Variants in GLIS3 observed in about 807,000 individuals in gnomAD.
The protein encoded by GLIS3 is GLIS family zinc finger 3.
A neutral mutation model predicts 78.6 loss-of-function variants in GLIS3; 53 were observed. That is an observed-to-expected ratio of 0.67 (90% CI 0.54 to 0.85). The LOEUF (loss-of-function observed/expected upper bound fraction) is 0.85, where lower values mean the gene tolerates loss of function less well. Among genes scored for constraint, GLIS3 ranks in the 40% least tolerant of loss-of-function variants. The probability of loss-of-function intolerance (pLI) is 0.00; values close to 1 mark genes in which losing one functional copy is unlikely to be tolerated. For synonymous variants in GLIS3, 684 were observed against 509.9 expected (o/e 1.34, Z -4.60); for missense variants, 1,703 against 1,231.1 (o/e 1.38, Z -5.74).
At chr9:4,091,179 A>T (rs915118374) in intron 4 of GLIS3, among the ~76,000 whole-genome samples, 1 of 151,954 alleles carries the variant, frequency 6.6e-6, no homozygotes, top group Non-Finnish European at 1.5e-5. Flanking sequence ...ACATAGTGAG[A>T]CCCCATCTCT....
chr9:4,027,663 A>C (rs1014114900), intron 4 of GLIS3, among the ~76,000 whole-genome samples: 1 of 152,170 alleles, frequency 6.6e-6, no homozygotes, highest in African/African-American at 2.4e-5. Context: ...CTCTGTTCCT[A>C]AACAGTCTGA....
At chr9:3,940,520 T>C (rs942056386) in intron 4 of GLIS3, among the ~76,000 whole-genome samples, 3 of 152,188 alleles carry the variant, frequency 2.0e-5, no homozygotes, top group African/African-American at 4.8e-5. Flanking sequence ...GTTCAGGTCT[T>C]CTGCTTCCTG....
chr9:4,363,402 G>T, the GLIS3 span, among the ~76,000 whole-genome samples: 1 of 152,166 alleles, frequency 6.6e-6, no homozygotes, highest in Middle Eastern at 3.2e-3. Flanking sequence ...CTGGGTGACA[G>T]AGACTCAGAA....
chr9:4,404,094 G>A, the GLIS3 span, among the ~76,000 whole-genome samples: 5 of 152,114 alleles, frequency 3.3e-5, no homozygotes, highest in Non-Finnish European at 7.4e-5. Flanking sequence ...AGAAAAAATA[G>A]ATTTCAAGAC....
At chr9:4,261,741 T>A (rs1171048702) in intron 2 of GLIS3, among the ~76,000 whole-genome samples, 1 of 152,184 alleles carries the variant, frequency 6.6e-6, no homozygotes, top group Non-Finnish European at 1.5e-5. Flanking sequence ...CTAAACGCAA[T>A]TCCCATTTCA....
chr9:4,027,508 T>A (rs1365921118), intron 4 of GLIS3, among the ~76,000 whole-genome samples: 1 of 152,196 alleles, frequency 6.6e-6, no homozygotes, highest in Non-Finnish European at 1.5e-5. Context: ...GGTTTGAGGC[T>A]CTTTTTTTCT....
intron 2 of GLIS3, among the ~76,000 whole-genome samples, chr9:4,238,542 C>T (rs1411603077): frequency 6.6e-6 from 1 of 152,170 alleles, no homozygotes; most frequent in African/African-American, 2.4e-5. Context: ...CCGTGGCTAC[C>T]TGAACTCAGA....
chr9:3,973,946 CTA>C (rs1163395805), intron 4 of GLIS3, among the ~76,000 whole-genome samples: 4 of 152,190 alleles, frequency 2.6e-5, no homozygotes, highest in Admixed American at 6.6e-5. Flanking sequence ...CCTCACAGAT[CTA>C]TGTTAGATTT....
intron 6 of GLIS3, among the ~76,000 whole-genome samples, chr9:3,930,729 G>A (rs149000035): frequency 1.3e-3 from 199 of 152,272 alleles, no homozygotes; most frequent in African/African-American, 4.5e-3. Flanking sequence ...GGTACTTTCC[G>A]ATGTTAATGA....
the GLIS3 span, among the ~76,000 whole-genome samples, chr9:4,482,894 T>G: frequency 6.6e-6 from 1 of 152,272 alleles, no homozygotes; most frequent in East Asian, 1.9e-4. Flanking sequence ...GCCAAAGGTT[T>G]ATTTGGATGG....
At chr9:3,829,688 T>C (rs1588041956) in intron 9 of GLIS3, among the ~76,000 whole-genome samples, 196 bp from the exon 10 acceptor site, 1 of 152,178 alleles carries the variant, frequency 6.6e-6, no homozygotes, top group East Asian at 1.9e-4. Context: ...TAGAGGAATT[T>C]CCAAGCTTGT....
chr9:4,180,748 G>C (rs1817246849), intron 2 of GLIS3, among the ~76,000 whole-genome samples: 1 of 152,132 alleles, frequency 6.6e-6, no homozygotes. Context: ...TTATAAATTG[G>C]ACAGTCACAA....
At chr9:4,081,632 C>A (rs1461951725) in intron 4 of GLIS3, among the ~76,000 whole-genome samples, 3 of 152,328 alleles carry the variant, frequency 2.0e-5, no homozygotes, top group South Asian at 2.1e-4. Flanking sequence ...TGCTAAGCCA[C>A]TGTGATTTGG....
At chr9:4,135,658 T>C (rs910901982) in intron 2 of GLIS3, among the ~76,000 whole-genome samples, 5 of 152,212 alleles carry the variant, frequency 3.3e-5, no homozygotes, top group Non-Finnish European at 7.3e-5. Flanking sequence ...AATAGAATCT[T>C]AGGCAAGGCA....
intron 4 of GLIS3, among the ~76,000 whole-genome samples, chr9:4,082,506 C>T (rs912466490): frequency 6.6e-6 from 1 of 152,154 alleles, no homozygotes; most frequent in African/African-American, 2.4e-5. Flanking sequence ...AGAAAAACAA[C>T]CTATCTTATG....
At chr9:4,414,524 A>G in the GLIS3 span, among the ~76,000 whole-genome samples, 1 of 152,216 alleles carries the variant, frequency 6.6e-6, no homozygotes, top group African/African-American at 2.4e-5. Flanking sequence ...GGGTTAAAAA[A>G]GATTATACCT....
chr9:4,370,986 T>C, the GLIS3 span, among the ~76,000 whole-genome samples: 4 of 152,228 alleles, frequency 2.6e-5, no homozygotes, highest in African/African-American at 9.6e-5. Flanking sequence ...ATTAAGCTAC[T>C]GAAGATGTGA....
the GLIS3 span, among the ~76,000 whole-genome samples, chr9:4,488,897 C>T: frequency 6.6e-6 from 1 of 151,640 alleles, no homozygotes; most frequent in South Asian, 2.1e-4. Flanking sequence ...TTGACAGTCT[C>T]GCTCTGTCGC....
chr9:4,388,475 G>T, the GLIS3 span, among the ~76,000 whole-genome samples: 1 of 151,880 alleles, frequency 6.6e-6, no homozygotes, highest in East Asian at 1.9e-4. Flanking sequence ...TCAGGAGTTC[G>T]AGAGCATCCT....
Sources: gnomAD v4.1 joint callset for allele counts (sites outside exome capture counted in the v4.1 genomes callset) on GRCh38, gnomAD v4.1.1 for gene constraint, MANE v1.5 for transcripts, NCBI Gene and HGNC (gene_info 2026-07-23, HGNC 2026-07-21) for gene names.